The following RNF13 variants were observed in gnomAD, a reference collection of about 807,000 sequenced individuals.
RNF13 encodes the protein E3 ubiquitin-protein ligase RNF13.
In RNF13, 19 loss-of-function variants were observed where a neutral mutation model predicts 37.7. The ratio of observed to expected loss-of-function variants is 0.50; its 90% CI spans 0.35 to 0.74. RNF13 has a LOEUF of 0.74. Ranked by LOEUF, RNF13 falls within the 30% of genes least tolerant of loss-of-function variation. The probability of loss-of-function intolerance (pLI) is 0.01; values close to 1 mark genes in which losing one functional copy is unlikely to be tolerated. For synonymous variants in RNF13, 144 were observed against 157.8 expected, an observed-to-expected ratio of 0.91 and a Z score of 0.65; for missense variants, 375 against 453.0, an observed-to-expected ratio of 0.83 and a Z score of 1.56.
intron 8 of RNF13, among the ~76,000 whole-genome samples, chr3:149,947,470 T>C (rs780304106): frequency 4.0e-5 from 6 of 151,880 alleles, no homozygotes; most frequent in Non-Finnish European, 8.8e-5. Flanking sequence ...AGTGGTGCAA[T>C]CTTGGCTCAC....
intron 8 of RNF13, among the ~76,000 whole-genome samples, chr3:149,955,453 G>A (rs1010669140): frequency 6.6e-6 from 1 of 151,936 alleles, no homozygotes; most frequent in Non-Finnish European, 1.5e-5. Context: ...ATTTTATCCT[G>A]TTGTATTTTG....
At chr3:149,934,432 G>C (rs898484897) in intron 8 of RNF13, among the ~76,000 whole-genome samples, 1 of 151,896 alleles carries the variant, frequency 6.6e-6, no homozygotes, top group Non-Finnish European at 1.5e-5. Flanking sequence ...GAGGTGGATT[G>C]TTCAGTTGTT....
At chr3:149,929,595 G>A (rs1351706099) in intron 8 of RNF13, among the ~76,000 whole-genome samples, 2 of 152,098 alleles carry the variant, frequency 1.3e-5, no homozygotes, top group Non-Finnish European at 2.9e-5. Context: ...TGGTGAAAGT[G>A]GCCATTCTAC....
At chr3:149,818,348 A>G (rs1267317954) in intron 1 of RNF13, among the ~76,000 whole-genome samples, 1 of 152,208 alleles carries the variant, frequency 6.6e-6, no homozygotes, top group Non-Finnish European at 1.5e-5. Flanking sequence ...AGCAGATGGT[A>G]ATAATGAATA....
At chr3:149,899,991 T>C (rs1715658920) in intron 5 of RNF13, among the ~76,000 whole-genome samples, 1 of 152,226 alleles carries the variant, frequency 6.6e-6, no homozygotes, top group Admixed American at 6.5e-5. Flanking sequence ...GATATGTACT[T>C]CACAGAGTTG....
At chr3:149,857,086 G>A (rs1281782374) in intron 3 of RNF13, among the ~76,000 whole-genome samples, 1 of 152,162 alleles carries the variant, frequency 6.6e-6, no homozygotes, top group Non-Finnish European at 1.5e-5. Context: ...GAAAGTTTAG[G>A]TGAGATAGTT....
chr3:149,960,560 C>T (rs529649348), intron 9 of RNF13, among the ~76,000 whole-genome samples, 180 bp from the exon 10 acceptor site: 1 of 151,778 alleles, frequency 6.6e-6, no homozygotes, highest in South Asian at 2.1e-4. Context: ...CCACTGCACT[C>T]CAGCCTGGGT....
intron 1 of RNF13, among the ~76,000 whole-genome samples, chr3:149,819,363 A>G (rs1019742966): frequency 2.0e-5 from 3 of 152,232 alleles, no homozygotes; most frequent in Non-Finnish European, 2.9e-5. Flanking sequence ...TACCTAATAT[A>G]TAGTTTCCCC....
intron 8 of RNF13, among the ~76,000 whole-genome samples, chr3:149,952,308 C>T (rs1002145404): frequency 6.6e-6 from 1 of 152,042 alleles, no homozygotes; most frequent in African/African-American, 2.4e-5. Context: ...CTTTGCCACT[C>T]AGAGCCGCAA....
intron 1 of RNF13, among the ~76,000 whole-genome samples, chr3:149,842,361 C>T: frequency 6.6e-6 from 1 of 152,206 alleles, no homozygotes; most frequent in Non-Finnish European, 1.5e-5. Context: ...CTGTTGGCAT[C>T]CCTATCCAAA....
rs369479185 is a variant in RNF13, at chr3:149,934,035, T to G, written c.700+12808T>G. ...TGGGCTTTTCTTTGATGGGAGACTT[T>G]TAATTACTGTTTCAGTTTCATTACT... On this transcript the variant is annotated intron_variant, in intron 8 of 9. Transcript: ENST00000392894. Among the ~76,000 whole-genome samples the G allele has an allele frequency of 8.5e-5, 13 of 152,332 alleles. No individual in the cohort carries two copies. The East Asian group carries it at 2.1e-3, about 25-fold the overall frequency.
intron 1 of RNF13, among the ~76,000 whole-genome samples, chr3:149,828,665 ACT>A (rs745910907): frequency 1.3e-5 from 2 of 150,040 alleles, no homozygotes; most frequent in Non-Finnish European, 3.0e-5. Flanking sequence ...CACTCCTATC[ACT>A]CTCTCTCTCT....
chr3:149,909,482 G>T (rs1277817430), intron 6 of RNF13, among the ~76,000 whole-genome samples: 1 of 148,570 alleles, frequency 6.7e-6, no homozygotes, highest in South Asian at 2.1e-4. Flanking sequence ...GTAGAGATGG[G>T]GTTTTGCCAT....
chr3:149,838,203 G>T (rs1380072904), intron 1 of RNF13, among the ~76,000 whole-genome samples: 1 of 152,228 alleles, frequency 6.6e-6, no homozygotes, highest in Non-Finnish European at 1.5e-5. Context: ...CCTCTTGGCT[G>T]CTTTCATGGG....
At chr3:149,872,645 G>C (rs1450579913) in intron 4 of RNF13, among the ~76,000 whole-genome samples, 4 of 152,160 alleles carry the variant, frequency 2.6e-5, no homozygotes, top group African/African-American at 9.7e-5. Flanking sequence ...TCTGTTTTGG[G>C]ATTGGCATTG....
intron 7 of RNF13, among the ~76,000 whole-genome samples, chr3:149,919,901 C>T (rs530339587): frequency 3.9e-5 from 6 of 152,312 alleles, no homozygotes; most frequent in South Asian, 2.1e-4. Context: ...TCCGTGCCAA[C>T]GCTTGGTATA....
intron 4 of RNF13, among the ~76,000 whole-genome samples, chr3:149,879,179 G>A (rs1032815807): frequency 2.6e-5 from 4 of 152,124 alleles, no homozygotes; most frequent in African/African-American, 9.7e-5. Flanking sequence ...TATCTATAAT[G>A]TGTATATGTG....
intron 8 of RNF13, among the ~76,000 whole-genome samples, chr3:149,958,323 G>A (rs144518796): frequency 7.0e-4 from 107 of 152,164 alleles, no homozygotes; most frequent in African/African-American, 2.5e-3. Context: ...ACCTTTTCTG[G>A]CTTCTGGAGG....
chr3:149,915,734 A>G (rs1420078848), intron 7 of RNF13, among the ~76,000 whole-genome samples: 1 of 152,236 alleles, frequency 6.6e-6, no homozygotes, highest in Non-Finnish European at 1.5e-5. Flanking sequence ...TACGTGAAAT[A>G]AGCCAGTCAC....
Sources: gnomAD v4.1 joint callset for allele counts (sites outside exome capture counted in the v4.1 genomes callset) on GRCh38, gnomAD v4.1.1 for gene constraint, MANE v1.5 for transcripts, NCBI Gene and HGNC (gene_info 2026-07-23, HGNC 2026-07-21) for gene names.